Variants in BIRC6 observed in about 807,000 individuals in gnomAD.
BIRC6 encodes dual E2 ubiquitin-conjugating enzyme/E3 ubiquitin-protein ligase BIRC6.
In BIRC6, 98 loss-of-function variants were observed where a neutral mutation model predicts 503.3. The observed-to-expected ratio is 0.19, with a 90% CI of 0.17 to 0.23. The LOEUF is 0.23. Ranked by LOEUF, BIRC6 falls within the 10% of genes least tolerant of loss-of-function variation. BIRC6 has a pLI of 1.00. For missense variants in BIRC6, 5,360 were observed against 5,806.0 expected (o/e 0.92, Z 2.50); for synonymous variants, 2,240 against 2,078.7 (o/e 1.08, Z -2.11).
intron 22 of BIRC6, among the ~76,000 whole-genome samples, chr2:32,452,057 A>G (rs1032761618): frequency 2.0e-5 from 3 of 152,232 alleles, no homozygotes; most frequent in Admixed American, 2.0e-4. Flanking sequence ...GTAAGATTTC[A>G]GATACCACAT....
chr2:32,525,426 G>T (rs758375649), intron 58 of BIRC6, 38 bp from the exon 59 acceptor site: 31 of 1,608,760 alleles, frequency 1.9e-5, no homozygotes, highest in Non-Finnish European at 2.5e-5. Flanking sequence ...ATATTAGTGT[G>T]TTGACTATGT....
At chr2:32,559,032 CTGTTTGAAGA>C (rs1309674089) in intron 65 of BIRC6, 1 of 152,002 alleles carries the variant, frequency 6.6e-6, no homozygotes, top group Admixed American at 6.6e-5. Context: ...TTCTTTTCAG[CTGTTTGAAGA>C]TACTTTTCCC....
At position 32,618,595 on chromosome 2, in the gene BIRC6, C is replaced by A. The variant is rs2063374810; in HGVS notation, c.*691C>A. 6.6e-6 allele frequency: 1 copy of A among 152,490 alleles called. No individual in the cohort carries two copies. Among genetic ancestry groups the A allele is most frequent in the Non-Finnish European group, 1.5e-5 (1 of 68,030 alleles). 9.4% of individuals were successfully genotyped at this position (152,490 alleles called of 1,614,324 possible). Reference sequence around the variant, plus strand: ...TGAACATGATTTTATTCTATGCCAACATTTGGGCCTCTGAATGTATCTGTT... The same window carrying A: ...TGAACATGATTTTATTCTATGCCAAAATTTGGGCCTCTGAATGTATCTGTT... On this transcript the variant is annotated 3_prime_UTR_variant, in exon 74 of 74. Transcript: ENST00000421745.
intron 23 of BIRC6, among the ~76,000 whole-genome samples, chr2:32,458,582 T>G (rs2047492975): frequency 6.6e-6 from 1 of 152,026 alleles, no homozygotes. Context: ...TGCTCCCACT[T>G]TACTGCAGTG....
intron 2 of BIRC6, 138 bp downstream of exon 2, chr2:32,377,907 C>A: frequency 2.8e-6 from 2 of 724,886 alleles, no homozygotes; most frequent in Non-Finnish European, 2.1e-6. Context: ...TTGACCACAA[C>A]TTCATTTAAA....
At chr2:32,392,699 T>A (rs2039388666) in intron 5 of BIRC6, among the ~76,000 whole-genome samples, 1 of 152,068 alleles carries the variant, frequency 6.6e-6, no homozygotes, top group South Asian at 2.1e-4. Context: ...CACCACTCAC[T>A]TCAGTCTCAA....
intron 66 of BIRC6, among the ~76,000 whole-genome samples, chr2:32,586,242 A>G (rs1485285890): frequency 6.6e-6 from 1 of 151,504 alleles, no homozygotes; most frequent in Non-Finnish European, 1.5e-5. Context: ...TCTGTTACTT[A>G]AGTGATTTAA....
intron 65 of BIRC6, among the ~76,000 whole-genome samples, chr2:32,570,900 C>T (rs1316724763): frequency 1.3e-5 from 2 of 152,140 alleles, no homozygotes; most frequent in Non-Finnish European, 2.9e-5. Context: ...TGGTCTCAAG[C>T]AGTCCTCCCA....
chr2:32,610,021 A>C (rs1209547065), intron 72 of BIRC6, among the ~76,000 whole-genome samples: 1 of 152,106 alleles, frequency 6.6e-6, no homozygotes, highest in Non-Finnish European at 1.5e-5. Flanking sequence ...TCTTTAAAAT[A>C]TATTTTTTTG....
intron 50 of BIRC6, among the ~76,000 whole-genome samples, chr2:32,506,502 G>A (rs916524456): frequency 6.6e-6 from 1 of 152,218 alleles, no homozygotes; most frequent in South Asian, 2.1e-4. Flanking sequence ...GTCAATGTAA[G>A]ACTTAGGCTA....
At position 32,420,786 on chromosome 2, in the gene BIRC6, A is replaced by G. The variant is rs538368509; in HGVS notation, c.2872+4623A>G. Among the ~76,000 whole-genome samples the G allele has an allele frequency of 1.6e-3, 249 of 152,272 alleles. 1 individual carries two copies. The highest frequency in any genetic ancestry group is 5.8e-3 in the African/African-American group (239 of 41,558). ...ATTGGCCTCCTAAAGTGCTGGGATT[A>G]CAGGTGTGAGCTACCATGCCTGGCT... On this transcript the variant is annotated intron_variant, in intron 10 of 73. Transcript: ENST00000421745.
At chr2:32,519,517 T>C (rs1055546928) in intron 57 of BIRC6, among the ~76,000 whole-genome samples, 1 of 152,200 alleles carries the variant, frequency 6.6e-6, no homozygotes, top group Non-Finnish European at 1.5e-5. Flanking sequence ...TTTATTTTAT[T>C]TATTTATTTA....
intron 73 of BIRC6, 92 bp downstream of exon 73, chr2:32,611,674 G>A: frequency 8.2e-7 from 1 of 1,213,874 alleles, no homozygotes; most frequent in Non-Finnish European, 1.1e-6. Flanking sequence ...TGGGAGGGAG[G>A]GAATTAAAGA....
chr2:32,475,534 AAC>A (rs1315679115), intron 33 of BIRC6, among the ~76,000 whole-genome samples: 1 of 152,230 alleles, frequency 6.6e-6, no homozygotes, highest in African/African-American at 2.4e-5. Flanking sequence ...TACATGAACT[AAC>A]ACATGTAGAA....
chr2:32,509,717 C>A (rs1443867783), intron 51 of BIRC6, 21 bp from the exon 52 acceptor site: 2 of 1,612,864 alleles, frequency 1.2e-6, no homozygotes, highest in Non-Finnish European at 1.7e-6. Flanking sequence ...ATTGATCATA[C>A]AAGTCATTTT....
chr2:32,494,713 G>T (rs1163073930), intron 45 of BIRC6, among the ~76,000 whole-genome samples: 1 of 151,800 alleles, frequency 6.6e-6, no homozygotes, highest in African/African-American at 2.4e-5. Flanking sequence ...AGTAGCCTGG[G>T]TCACATGGCG....
intron 10 of BIRC6, among the ~76,000 whole-genome samples, chr2:32,416,781 C>G (rs1159745860): frequency 6.7e-6 from 1 of 148,862 alleles, no homozygotes; most frequent in Non-Finnish European, 1.5e-5. Flanking sequence ...TTTCCTTTCC[C>G]CTTTCCCCCT....
intron 22 of BIRC6, among the ~76,000 whole-genome samples, chr2:32,450,908 C>T (rs1274492835): frequency 6.6e-6 from 1 of 152,182 alleles, no homozygotes; most frequent in East Asian, 1.9e-4. Context: ...GAAAAAAAGG[C>T]TGTAACAGAC....
chr2:32,476,380 AAAGTC>A, intron 34 of BIRC6, 36 bp downstream of exon 34: 1 of 1,533,930 alleles, frequency 6.5e-7, no homozygotes, highest in African/African-American at 1.4e-5. Flanking sequence ...TTATCTCAGA[AAAGTC>A]AAGGAGTTAT....
Sources: allele counts gnomAD v4.1 joint callset (sites outside exome capture counted in the v4.1 genomes callset), GRCh38; gene constraint gnomAD v4.1.1; transcripts MANE v1.5; gene names NCBI Gene and HGNC (gene_info 2026-07-23, HGNC 2026-07-21).